FRMPD4: variants seen among roughly 807,000 people sequenced by gnomAD.
The protein encoded by FRMPD4 is FERM and PDZ domain-containing protein 4.
FRMPD4 carries 22 observed loss-of-function variants against 94.1 expected under a neutral mutation model. The ratio of observed to expected loss-of-function variants is 0.23; its 90% CI spans 0.17 to 0.33. The LOEUF is 0.33. Among genes scored for constraint, FRMPD4 ranks in the 10% least tolerant of loss-of-function variants. The pLI, the probability that FRMPD4 is intolerant of heterozygous loss-of-function variation, is 1.00. For synonymous variants in FRMPD4, 631 were observed against 548.6 expected, an observed-to-expected ratio of 1.15 and a Z score of -2.10; for missense variants, 1,111 against 1,339.9, an observed-to-expected ratio of 0.83 and a Z score of 2.67.
intron 1 of FRMPD4, among the ~76,000 whole-genome samples, chrX:12,287,391 C>T (rs950497535): frequency 9.0e-6 from 1 of 111,234 alleles, no homozygotes; most frequent in African/African-American, 3.3e-5. Context: ...CAATGGTGAT[C>T]ATAGAGCAAT....
intron 3 of FRMPD4, among the ~76,000 whole-genome samples, chrX:12,031,929 GC>G (rs1408782568): frequency 5.4e-5 from 6 of 111,635 alleles, no homozygotes; most frequent in Non-Finnish European, 1.1e-4. Flanking sequence ...AGTTGAGAAA[GC>G]TTAAGAAGTG....
At chrX:12,676,010 G>A (rs2059894917) in intron 5 of FRMPD4, among the ~76,000 whole-genome samples, 2 of 111,854 alleles carry the variant, frequency 1.8e-5, no homozygotes, top group South Asian at 7.4e-4. Flanking sequence ...AACAAATTAT[G>A]CCATCTTACT....
intron 3 of FRMPD4, among the ~76,000 whole-genome samples, chrX:11,897,217 T>A (rs1425695320): frequency 1.9e-5 from 2 of 106,933 alleles, no homozygotes; most frequent in Non-Finnish European, 3.8e-5. Flanking sequence ...AAAGAGTACA[T>A]TTAATATGAT....
intron 11 of FRMPD4, among the ~76,000 whole-genome samples, chrX:12,704,961 C>T (rs1016117279): frequency 8.9e-6 from 1 of 111,806 alleles, no homozygotes; most frequent in Non-Finnish European, 1.9e-5. Context: ...TAGGGAGTTA[C>T]GGGGAACATC....
At chrX:12,318,841 C>T (rs989373815) in intron 1 of FRMPD4, among the ~76,000 whole-genome samples, 5 of 108,953 alleles carry the variant, frequency 4.6e-5, no homozygotes, top group African/African-American at 1.7e-4. Flanking sequence ...TACCCAGATT[C>T]GATCATTATA....
intron 2 of FRMPD4, among the ~76,000 whole-genome samples, chrX:11,872,185 T>A (rs757737347): frequency 4.9e-4 from 55 of 112,594 alleles, no homozygotes; most frequent in Non-Finnish European, 2.6e-4. Context: ...GCTTTTCTAA[T>A]GCTTTCCTCA....
chrX:12,070,905 C>T (rs2147471158), intron 3 of FRMPD4, among the ~76,000 whole-genome samples: 1 of 112,433 alleles, frequency 8.9e-6, no homozygotes, highest in Admixed American at 9.4e-5. Context: ...GGTTTCATCA[C>T]AGCGATTTGG....
At chrX:12,319,909 T>G (rs2055182368) in intron 1 of FRMPD4, among the ~76,000 whole-genome samples, 1 of 112,134 alleles carries the variant, frequency 8.9e-6, no homozygotes, top group Non-Finnish European at 1.9e-5. Flanking sequence ...GAAGATGATC[T>G]GAAGTTCTGG....
chrX:12,618,401 A>C (rs759230780), intron 4 of FRMPD4, among the ~76,000 whole-genome samples: 1 of 111,635 alleles, frequency 9.0e-6, no homozygotes, highest in South Asian at 3.8e-4. Flanking sequence ...AAGGAGAAGA[A>C]TTCTAATTAA....
chrX:12,590,758 G>A (rs752324991), intron 2 of FRMPD4, among the ~76,000 whole-genome samples: 3 of 111,435 alleles, frequency 2.7e-5, no homozygotes, highest in East Asian at 5.6e-4. Flanking sequence ...AAGTGCCAAG[G>A]CTGCCTCTAT....
At chrX:12,430,416 C>A (rs1458729096) in intron 1 of FRMPD4, among the ~76,000 whole-genome samples, 1 of 112,275 alleles carries the variant, frequency 8.9e-6, no homozygotes, top group East Asian at 2.8e-4. Flanking sequence ...ATTTATTTAC[C>A]CATCAGTCTC....
chrX:12,694,988 A>G (rs2060114279), intron 9 of FRMPD4, among the ~76,000 whole-genome samples: 1 of 112,160 alleles, frequency 8.9e-6, no homozygotes, highest in Non-Finnish European at 1.9e-5. Context: ...TCTTTTATAT[A>G]TACATTTTTT....
chrX:12,585,693 G>T (rs2058921350), intron 2 of FRMPD4, among the ~76,000 whole-genome samples: 1 of 111,710 alleles, frequency 9.0e-6, no homozygotes, highest in Non-Finnish European at 1.9e-5. Context: ...AGTCACTCTG[G>T]ACTTGCTCCG....
At chrX:11,872,308 A>C (rs2053759994) in intron 2 of FRMPD4, among the ~76,000 whole-genome samples, 1 of 112,418 alleles carries the variant, frequency 8.9e-6, no homozygotes, top group South Asian at 3.7e-4. Flanking sequence ...CTGAACCTTG[A>C]ACAATATTAC....
At chrX:12,042,991 G>C (rs2054765032) in intron 3 of FRMPD4, among the ~76,000 whole-genome samples, 1 of 111,846 alleles carries the variant, frequency 8.9e-6, no homozygotes, top group South Asian at 3.7e-4. Flanking sequence ...TACTGAACCA[G>C]ACAGTGGGGA....
At chrX:11,942,862 C>T (rs1197809335) in intron 3 of FRMPD4, among the ~76,000 whole-genome samples, 1 of 111,856 alleles carries the variant, frequency 8.9e-6, no homozygotes, top group Non-Finnish European at 1.9e-5. Context: ...ACTCCCCATT[C>T]CCCTCTCCTC....
At chrX:12,685,256 T>C (rs969749977) in intron 6 of FRMPD4, among the ~76,000 whole-genome samples, 2 of 112,066 alleles carry the variant, frequency 1.8e-5, no homozygotes, top group African/African-American at 6.5e-5. Context: ...TCATGACTGC[T>C]GAGTTCTCCT....
At chrX:12,577,136 C>G (rs1017671497) in intron 2 of FRMPD4, among the ~76,000 whole-genome samples, 6 of 111,866 alleles carry the variant, frequency 5.4e-5, no homozygotes, top group Non-Finnish European at 1.1e-4. Context: ...AGAGATGACA[C>G]TTTAGTTTTA....
At chrX:12,457,181 C>T (rs888689414) in intron 1 of FRMPD4, among the ~76,000 whole-genome samples, 1 of 111,661 alleles carries the variant, frequency 9.0e-6, no homozygotes, top group Non-Finnish European at 1.9e-5. Flanking sequence ...CTGTTTGTCC[C>T]CTTCGTCAAA....
Sources: allele counts gnomAD v4.1 joint callset (sites outside exome capture counted in the v4.1 genomes callset), GRCh38; gene constraint gnomAD v4.1.1; transcripts MANE v1.5; gene names NCBI Gene and HGNC (gene_info 2026-07-23, HGNC 2026-07-21).